Variants in MAP3K9 observed in about 807,000 individuals in gnomAD.
The protein encoded by MAP3K9 is mixed lineage kinase 1 (tyr and ser/thr specificity).
In MAP3K9, 46 loss-of-function variants were observed where a neutral mutation model predicts 95.8. That is an observed-to-expected ratio of 0.48 (90% CI 0.38 to 0.61). The LOEUF is 0.61. Ranked by LOEUF, MAP3K9 falls within the 20% of genes least tolerant of loss-of-function variation. The pLI is 0.00. For synonymous variants in MAP3K9, 533 were observed against 593.8 expected, an observed-to-expected ratio of 0.90 and a Z score of 1.49; for missense variants, 1,296 against 1,474.3, an observed-to-expected ratio of 0.88 and a Z score of 1.98.
At position 70,734,450 on chromosome 14, in the gene MAP3K9, G is replaced by A; in HGVS notation, c.1962C>T (p.Pro654=). The change falls in exon 10 of 12, where the codon CCC becomes CCT. Residue 654 remains proline (P), a synonymous_variant. Transcript: ENST00000554752. ...DGYKQWSSSA[P]NLVKGPRSSP... ...TACTCCTTGGGCCCTTCACCAGGTT[G>A]GGGGCACTGGACGACCACTGCTTAT... 6.2e-7 allele frequency: 1 copy of A among 1,613,970 alleles called. No homozygotes were observed. Among genetic ancestry groups the A allele is most frequent in the Non-Finnish European group, 8.5e-7 (1 of 1,179,910 alleles).
chr14:70,789,435 T>C (rs957535735), intron 2 of MAP3K9, among the ~76,000 whole-genome samples: 3 of 152,116 alleles, frequency 2.0e-5, no homozygotes, highest in African/African-American at 7.2e-5. Context: ...TCCTACTCCT[T>C]AGAAAGGAAA....
intron 7 of MAP3K9, among the ~76,000 whole-genome samples, chr14:70,739,560 A>G (rs2054038058): frequency 6.6e-6 from 1 of 152,080 alleles, no homozygotes; most frequent in Non-Finnish European, 1.5e-5. Context: ...TTTTTAAGCA[A>G]ATACTGTAGC....
intron 2 of MAP3K9, among the ~76,000 whole-genome samples, chr14:70,780,583 C>T (rs2054661904): frequency 6.6e-6 from 1 of 152,214 alleles, no homozygotes; most frequent in African/African-American, 2.4e-5. Context: ...AACTTGGACA[C>T]CTACAGCCCT....
At chr14:70,738,210 AAG>A (rs549700134) in intron 8 of MAP3K9, 33 bp downstream of exon 8, 60 of 1,578,794 alleles carry the variant, frequency 3.8e-5, no homozygotes, top group Middle Eastern at 1.7e-4. Flanking sequence ...ATCCATCTTC[AAG>A]AGAGAAAGAA....
intron 2 of MAP3K9, among the ~76,000 whole-genome samples, chr14:70,793,727 A>T (rs2054832039): frequency 6.6e-6 from 1 of 152,138 alleles, no homozygotes; most frequent in Admixed American, 6.5e-5. Flanking sequence ...TGCACCTGGA[A>T]CTATGCTGGG....
At position 70,764,150 on chromosome 14, in the gene MAP3K9, C is replaced by G. The variant is rs537310525; in HGVS notation, c.821-2968G>C. On this transcript the variant is annotated intron_variant, in intron 2 of 11. Transcript: ENST00000554752. ...GCAGTGAGCCGAGATTGCGCCACTG[C>G]AGTCCGCAGTCCGGCCTGGGCGACA... Among the ~76,000 whole-genome samples the G allele has an allele frequency of 2.3e-3, 255 of 111,722 alleles. 2 individuals are homozygous for G. The highest frequency in any genetic ancestry group is 0.016 in the Middle Eastern group (3 of 182). 73.3% of individuals were successfully genotyped at this position (111,722 alleles called of 152,430 possible). A position where few individuals can be genotyped will look rare whatever the true frequency, so the allele number is the denominator to read the frequency against.
At chr14:70,748,777 A>G in intron 5 of MAP3K9, 52 bp downstream of exon 5, 1 of 1,477,090 alleles carries the variant, frequency 6.8e-7, no homozygotes. Context: ...AATTCAATGC[A>G]TGCCTTTTTT....
At chr14:70,766,232 A>G (rs190688671) in intron 2 of MAP3K9, among the ~76,000 whole-genome samples, 7 of 152,260 alleles carry the variant, frequency 4.6e-5, no homozygotes, top group Admixed American at 3.9e-4. Context: ...AAGAGCAGAT[A>G]ATTTAAATCC....
At chr14:70,801,359 A>G (rs1358581815) in intron 1 of MAP3K9, among the ~76,000 whole-genome samples, 1 of 152,118 alleles carries the variant, frequency 6.6e-6, no homozygotes, top group Non-Finnish European at 1.5e-5. Flanking sequence ...ACCAAAACCA[A>G]CTATTGTCAC....
At chr14:70,780,152 A>C (rs1594801088) in intron 2 of MAP3K9, among the ~76,000 whole-genome samples, 1 of 152,232 alleles carries the variant, frequency 6.6e-6, no homozygotes, top group East Asian at 1.9e-4. Flanking sequence ...AGATGTATTC[A>C]TGTGGACCAG....
intron 7 of MAP3K9, chr14:70,739,792 C>A (rs764830382): frequency 3.7e-5 from 44 of 1,200,930 alleles, no homozygotes; most frequent in Non-Finnish European, 4.7e-5. Context: ...ACTAAAGATC[C>A]CATTAGTACC....
chr14:70,774,501 A>G (rs1025371117), intron 2 of MAP3K9, among the ~76,000 whole-genome samples: 3 of 151,228 alleles, frequency 2.0e-5, no homozygotes, highest in Non-Finnish European at 4.4e-5. Flanking sequence ...CATCCCTACT[A>G]AAAATACAAA....
chr14:70,763,157 C>T (rs1056724806), intron 2 of MAP3K9, among the ~76,000 whole-genome samples: 10 of 152,228 alleles, frequency 6.6e-5, no homozygotes, highest in Admixed American at 6.5e-4. Flanking sequence ...CATGCTTTCA[C>T]ATCTTGAAAA....
chr14:70,730,984 A>G (rs2053894291), intron 11 of MAP3K9, 120 bp from the exon 12 acceptor site: 1 of 1,152,926 alleles, frequency 8.7e-7, no homozygotes, highest in African/African-American at 1.5e-5. Context: ...TGAATCACCA[A>G]ATGTTTGTGG....
At chr14:70,734,093 A>G (rs532071968) in intron 10 of MAP3K9, among the ~76,000 whole-genome samples, 1 of 152,340 alleles carries the variant, frequency 6.6e-6, no homozygotes, top group African/African-American at 2.4e-5. Flanking sequence ...TCCAGCTTGC[A>G]GACGGCCTGT....
At chr14:70,799,868 C>T (rs2054909518) in intron 2 of MAP3K9, among the ~76,000 whole-genome samples, 1 of 152,138 alleles carries the variant, frequency 6.6e-6, no homozygotes, top group African/African-American at 2.4e-5. Flanking sequence ...TAAGTACATA[C>T]CATTATGCAA....
At chr14:70,747,883 C>T (rs1224636037) in intron 5 of MAP3K9, among the ~76,000 whole-genome samples, 9 of 151,922 alleles carry the variant, frequency 5.9e-5, no homozygotes, top group African/African-American at 1.7e-4. Context: ...CCGAGGTGGG[C>T]GGATCACGAG....
intron 2 of MAP3K9, among the ~76,000 whole-genome samples, chr14:70,774,701 A>C (rs947809813): frequency 1.3e-5 from 2 of 151,216 alleles, no homozygotes; most frequent in Non-Finnish European, 3.0e-5. Flanking sequence ...ATGTATGTCA[A>C]AAAGGCCAGG....
chr14:70,732,469 A>G, intron 11 of MAP3K9, 70 bp downstream of exon 11: 1 of 1,480,578 alleles, frequency 6.8e-7, no homozygotes, highest in South Asian at 1.5e-5. Context: ...AGAGAAAATG[A>G]GGCCTGCAAA....
Sources: gnomAD v4.1 joint callset for allele counts (sites outside exome capture counted in the v4.1 genomes callset) on GRCh38, gnomAD v4.1.1 for gene constraint, MANE v1.5 for transcripts, NCBI Gene and HGNC (gene_info 2026-07-23, HGNC 2026-07-21) for gene names.